Variants in ENTPD2 observed in about 807,000 individuals in gnomAD.
ENTPD2 encodes the protein CD39 antigen-like 1.
Under a neutral mutation model 46.8 loss-of-function variants are expected in ENTPD2, and 48 were observed. That is an observed-to-expected ratio of 1.03 (90% CI 0.81 to 1.30). The LOEUF is 1.30. Among genes scored for constraint, ENTPD2 ranks in the 50% most tolerant of loss-of-function variants. The pLI is 0.00. For synonymous variants in ENTPD2, 316 were observed against 286.1 expected (o/e 1.10, Z -1.06); for missense variants, 707 against 651.1 (o/e 1.09, Z -0.93).
In ENTPD2 at chr9:137,051,244, C is replaced by T. The variant is rs201198065; in HGVS notation, c.513G>A (p.Val171=). 1.9e-5 allele frequency: 31 copies of T among 1,612,842 alleles called. No individual in the cohort carries two copies. In the East Asian group the frequency reaches 5.3e-4, roughly 28 times the overall value. Residue 171 remains valine, a synonymous_variant, in exon 4 of 9, where the codon GTG becomes GTA. Transcript: ENST00000355097. ...SGQEEGVFGW[V]TANYLLENFI... ...AGTTCTCCAGCAGGTAGTTGGCAGT[C>T]ACCCAGCCAAACACCCCCTCTTCCT...
Position 137,052,368 on chromosome 9 carries a change from A to G in ENTPD2, c.118-20T>C. On this transcript the variant is annotated intron_variant, in intron 1 of 8. Transcript: ENST00000355097. ...GCCATACTGCGGGGGAGGGGGAGGG[A>G]GTCAGCCTGGGGTGTCCGGGGGCCC... The G allele has an allele frequency of 7.0e-7, 1 of 1,422,924 alleles. No homozygotes were observed. Among genetic ancestry groups the G allele is most frequent in the Non-Finnish European group, 9.8e-7 (1 of 1,017,300 alleles). 88.1% of individuals were successfully genotyped at this position (1,422,924 alleles called of 1,614,324 possible). A position where few individuals can be genotyped will look rare whatever the true frequency, so the allele number is the denominator to read the frequency against.
At chr9:137,050,628 T>C (rs1832265520) in intron 5 of ENTPD2, 90 bp from the exon 6 acceptor site, 1 of 1,513,176 alleles carries the variant, frequency 6.6e-7, no homozygotes, top group East Asian at 2.4e-5. Context: ...CTCTGGCAAC[T>C]TCACTTTTGT....
At chr9:137,051,748 C>T (rs2131514656) in intron 2 of ENTPD2, 88 bp from the exon 3 acceptor site, 4 of 1,462,884 alleles carry the variant, frequency 2.7e-6, no homozygotes, top group Non-Finnish European at 2.7e-6. Flanking sequence ...GGGGTGGGGG[C>T]CGTGGGCTCC....
chr9:137,053,572 G>T (rs1366238933), intron 1 of ENTPD2, among the ~76,000 whole-genome samples: 1 of 152,226 alleles, frequency 6.6e-6, no homozygotes, highest in African/African-American at 2.4e-5. Flanking sequence ...AGGGGGCATC[G>T]CTGGGCTATC....
chr9:137,051,257 AC>A lies in ENTPD2; in HGVS notation c.499del (p.Val167CysfsTer5). On this transcript the variant is annotated frameshift_variant, in exon 4 of 9. Transcript: ENST00000355097. LOFTEE classifies it high-confidence loss of function. ...GTAGTTGGCAGTCACCCAGCCAAAC[AC>A]CCCCTCTTCCTGGCCCGAGAGGATG... is the stretch of plus-strand genomic sequence containing the variant. ...ARILSGQEEG[V>X]FGWVTANYLL... The A allele has an allele frequency of 1.9e-6, 3 of 1,612,462 alleles. No homozygotes were observed. The highest frequency in any genetic ancestry group is 2.5e-6 in the Non-Finnish European group (3 of 1,179,772).
Position 137,048,478 on chromosome 9 carries a change from G to C in ENTPD2, c.*179C>G. ...AAGACAGTGGTGGGGTGGAGCGGTG[G>C]GGGATAGAGGGTGGGTGGAGGAATG... is the stretch of plus-strand genomic sequence containing the variant. On this transcript the variant is annotated 3_prime_UTR_variant, in exon 9 of 9. Transcript: ENST00000355097. The C allele has an allele frequency of 1.1e-5, 6 of 555,806 alleles. No individual in the cohort carries two copies. The highest frequency in any genetic ancestry group is 1.9e-5 in the Non-Finnish European group (6 of 317,966). 34.4% of individuals were successfully genotyped at this position (555,806 alleles called of 1,614,324 possible).
chr9:137,052,355 GGGA>G lies in ENTPD2; in HGVS notation c.118-10_118-8del. ...CGTCCAGGACGATGCCATACTGCGG[GGGA>G]GGGGGAGGGAGTCAGCCTGGGGTGT... On this transcript the variant is annotated splice_polypyrimidine_tract_variant and splice_region_variant and intron_variant, in intron 1 of 8. Coordinates refer to ENST00000355097, the MANE Select transcript of ENTPD2 (RefSeq NM_203468.3). The G allele has an allele frequency of 7.0e-7, 1 of 1,419,112 alleles. No individual in the cohort carries two copies. Among genetic ancestry groups the G allele is most frequent in the East Asian group, 2.3e-5 (1 of 43,130 alleles). The allele number at this position is 1,419,112 out of a possible 1,614,324, so 87.9% of individuals were successfully genotyped here.
In ENTPD2 at chr9:137,053,940, C is replaced by T. The variant is rs891621748; in HGVS notation, c.58G>A (p.Ala20Thr). Residue 20 changes from alanine (A) to threonine (T), a missense_variant, in exon 1 of 9, where the codon GCC becomes ACC. Ala to Thr is a moderately conservative substitution (Grantham distance 58, BLOSUM62 0). Transcript: ENST00000355097. ...PPLLLAAAGL[A>T]GLLLLCVPTR... ...GGGACGCACAGCAGTAGGAGGCCGG[C>T]GAGGCCCGCGGCGGCCAGCAGCAGC... 104 of 1,225,120 alleles carry T rather than the reference C, an allele frequency of 8.5e-5. 1 individual carries two copies. In the African/African-American group the frequency reaches 1.5e-3, roughly 17 times the overall value. 75.9% of individuals were successfully genotyped at this position (1,225,120 alleles called of 1,614,324 possible).
At position 137,048,734 on chromosome 9, in the gene ENTPD2, A is replaced by G. The variant is rs1224036868; in HGVS notation, c.1411T>C (p.Phe471Leu). Residue 471 changes from phenylalanine to leucine, a missense_variant, in exon 9 of 9, where the codon TTC (phenylalanine) becomes CTC (leucine). Transcript: ENST00000355097. ...AGCGCAGCCAGGAGCGCGGAGGCGAAGAGCAGCAGGAGGACGACCCAGGAG... is the reference window on the plus strand; with the variant it reads ...AGCGCAGCCAGGAGCGCGGAGGCGAGGAGCAGCAGGAGGACGACCCAGGAG... ...FSSWVVLLLLFASALLAALVL... is the reference protein window; with the variant it reads ...FSSWVVLLLLLASALLAALVL... The G allele has an allele frequency of 1.2e-6, 2 of 1,605,508 alleles. No homozygotes were observed. The highest frequency in any genetic ancestry group is 1.7e-6 in the Non-Finnish European group (2 of 1,176,618).
intron 3 of ENTPD2, 41 bp downstream of exon 3, chr9:137,051,469 A>G (rs746559025): frequency 6.4e-7 from 1 of 1,556,286 alleles, no homozygotes; most frequent in African/African-American, 1.4e-5. Flanking sequence ...TCACAGCCAA[A>G]GGCCATCATG....
At chr9:137,053,628 G>T (rs1832344586) in intron 1 of ENTPD2, among the ~76,000 whole-genome samples, 1 of 152,214 alleles carries the variant, frequency 6.6e-6, no homozygotes, top group African/African-American at 2.4e-5. Context: ...CGGACTCGGC[G>T]GCGGGCGCGG....
At chr9:137,050,615 TCA>T in intron 5 of ENTPD2, 77 bp from the exon 6 acceptor site, 1 of 1,538,922 alleles carries the variant, frequency 6.5e-7, no homozygotes, top group Non-Finnish European at 8.8e-7. Flanking sequence ...CCCACAGGTC[TCA>T]CTCTGGCAAC....
chr9:137,048,741 C>CAGG lies in ENTPD2; in HGVS notation c.1401_1403dup (p.Leu470dup). The CAGG allele has an allele frequency of 6.2e-7, 1 of 1,604,292 alleles. No individual in the cohort carries two copies. The highest frequency in any genetic ancestry group is 8.5e-7 in the Non-Finnish European group (1 of 1,175,968). ...CCAGGAGCGCGGAGGCGAAGAGCAG[C>CAGG]AGGAGGACGACCCAGGAGCTGAAGT... On this transcript the variant is annotated inframe_insertion, in exon 9 of 9. Coordinates refer to ENST00000355097, the MANE Select transcript of ENTPD2 (RefSeq NM_203468.3).
rs762183451 is a variant in ENTPD2 at position 137,049,991 on chromosome 9, T to C, written c.1030-2A>G. On this transcript the variant is annotated splice_acceptor_variant, in intron 6 of 8. Coordinates refer to ENST00000355097, the MANE Select transcript of ENTPD2 (RefSeq NM_203468.3). LOFTEE classifies it high-confidence loss of function. Reference sequence around the variant, plus strand: ...AGTGTAGAAGAAGGCAGAGAAGGCCTGTAGGGGGCGCAGTCACACTGTGAC... The same window carrying C: ...AGTGTAGAAGAAGGCAGAGAAGGCCCGTAGGGGGCGCAGTCACACTGTGAC... The C allele has an allele frequency of 6.2e-7, 1 of 1,611,134 alleles. No individual in the cohort carries two copies. Among genetic ancestry groups the C allele is most frequent in the Non-Finnish European group, 8.5e-7 (1 of 1,179,038 alleles).
At chr9:137,051,982 A>G (rs2131514914) in intron 2 of ENTPD2, among the ~76,000 whole-genome samples, 1 of 152,288 alleles carries the variant, frequency 6.6e-6, no homozygotes, top group African/African-American at 2.4e-5. Context: ...CATCTGGGGC[A>G]CAGAAGCCAA....
intron 1 of ENTPD2, 96 bp from the exon 2 acceptor site, chr9:137,052,444 TC>T (rs199591098): frequency 1.1e-4 from 91 of 805,812 alleles, no homozygotes; most frequent in African/African-American, 3.6e-4. Context: ...TTGCCACCGC[TC>T]CCCCCCCCAC....
chr9:137,048,995 A>T lies in ENTPD2; in HGVS notation c.1230T>A (p.Ser410Arg). Residue 410 changes from serine (S) to arginine (R), a missense_variant, in exon 8 of 9, where the codon AGT becomes AGA. Ser to Arg is a moderately radical substitution (Grantham distance 110, BLOSUM62 -1). Coordinates refer to ENST00000355097, the MANE Select transcript of ENTPD2 (RefSeq NM_203468.3). ...AGAMFVQQLLSRGYGFDERAF... is the reference protein window; with the variant it reads ...AGAMFVQQLLRRGYGFDERAF... Reference sequence around the variant, plus strand: ...CGCGCTCGTCGAAGCCGTAGCCGCGACTCAGCAGCTGCTGCACGAACATGG... The same window carrying T: ...CGCGCTCGTCGAAGCCGTAGCCGCGTCTCAGCAGCTGCTGCACGAACATGG... 1 of 1,534,384 alleles carries T rather than the reference A, an allele frequency of 6.5e-7. No individual in the cohort carries two copies. The highest frequency in any genetic ancestry group is 1.7e-4 in the Middle Eastern group (1 of 5,848).
chr9:137,048,708 A>C lies in ENTPD2; in HGVS notation c.1437T>G (p.Leu479=), dbSNP rs752368424. 4 of 1,606,560 alleles carry C rather than the reference A, an allele frequency of 2.5e-6. No homozygotes were observed. The highest frequency in any genetic ancestry group is 2.5e-6 in the Non-Finnish European group (3 of 1,177,318). ...LLFASALLAA[L]VLLLRQVHSA... ...AGTGCACCTGACGCAGCAGCAGGAC[A>C]AGCGCAGCCAGGAGCGCGGAGGCGA... Residue 479 remains leucine, a synonymous_variant, in exon 9 of 9, where the codon CTT becomes CTG. Coordinates refer to ENST00000355097, the MANE Select transcript of ENTPD2 (RefSeq NM_203468.3).
At position 137,048,545 on chromosome 9, in the gene ENTPD2, T is replaced by TG; in HGVS notation, c.*111dup. 1.6e-6 allele frequency: 1 copy of TG among 607,030 alleles called. No individual in the cohort carries two copies. Among genetic ancestry groups the TG allele is most frequent in the Non-Finnish European group, 2.4e-6 (1 of 414,282 alleles). The allele number at this position is 607,030 out of a possible 1,614,324, so 37.6% of individuals were successfully genotyped here. On this transcript the variant is annotated 3_prime_UTR_variant, in exon 9 of 9. Transcript: ENST00000355097. ...GGAGAGAGGTTGGGAGAGGGGTGGG[T>TG]GGAGGGGTGGGGATACAGGGGTGGG...
Sources: gnomAD v4.1 joint callset for allele counts (sites outside exome capture counted in the v4.1 genomes callset) on GRCh38, gnomAD v4.1.1 for gene constraint, MANE v1.5 for transcripts, NCBI Gene and HGNC (gene_info 2026-07-23, HGNC 2026-07-21) for gene names.